Variants in ASXL3 observed in about 807,000 individuals in gnomAD.
ASXL3 encodes putative Polycomb group protein ASXL3.
In ASXL3, 34 loss-of-function variants were observed where a neutral mutation model predicts 170.6. That is an observed-to-expected ratio of 0.20 (90% CI 0.15 to 0.27). The LOEUF (loss-of-function observed/expected upper bound fraction) is 0.27. Among genes scored for constraint, ASXL3 ranks in the 10% least tolerant of loss-of-function variants. The probability of loss-of-function intolerance (pLI) is 1.00; values close to 1 mark genes in which losing one functional copy is unlikely to be tolerated. For synonymous variants in ASXL3, 1,002 were observed against 989.1 expected (o/e 1.01, Z -0.24); for missense variants, 2,592 against 2,695.3 (o/e 0.96, Z 0.85).
intron 2 of ASXL3, among the ~76,000 whole-genome samples, chr18:33,623,336 C>T (rs1483761): frequency 0.087 from 13,159 of 152,094 alleles, 636 homozygotes; most frequent in African/African-American, 0.11. Flanking sequence ...CCCATGGTGT[C>T]CTTGTTAATA....
chr18:33,697,039 A>T (rs989023693), intron 8 of ASXL3, among the ~76,000 whole-genome samples: 2 of 152,116 alleles, frequency 1.3e-5, no homozygotes, highest in African/African-American at 2.4e-5. Context: ...CTCAATATCT[A>T]TGACTGATCT....
chr18:33,590,111 G>GTTTTTTTTTTTGTTTTTTTTTTTTTTTTT (rs2065064686), intron 1 of ASXL3, among the ~76,000 whole-genome samples: 5 of 83,182 alleles, frequency 6.0e-5, no homozygotes, highest in Non-Finnish European at 1.1e-4. Flanking sequence ...TGCTTTCTAT[G>GTTTTTTTTTTTGTTTTTTTTTTTTTTTTT]TTTTTTTTTT....
intron 4 of ASXL3, among the ~76,000 whole-genome samples, chr18:33,660,779 T>C (rs995974039): frequency 6.6e-6 from 1 of 152,092 alleles, no homozygotes; most frequent in African/African-American, 2.4e-5. Context: ...AGTGTTAAAG[T>C]CTCTCAGTTT....
At position 33,745,145 on chromosome 18, in the gene ASXL3, A is replaced by G. The variant is rs757068072; in HGVS notation, c.5297A>G (p.Gln1766Arg). ...GNLPLEKVLPQPRLGAKLEIN... is the reference protein window; with the variant it reads ...GNLPLEKVLPRPRLGAKLEIN... The stretch of plus-strand genomic sequence containing the variant: ...CTGCCTTTGGAAAAAGTGTTGCCAC[A>G]GCCCAGATTGGGAGCCAAGCTTGAA... The change falls in exon 12 of 12, where the codon CAG (glutamine) becomes CGG (arginine). Residue 1766 changes from glutamine (Q) to arginine (R), a missense_variant. This residue lies in a region of ASXL3 where 2,246 missense variants were observed against 2,219.6 expected (regional missense o/e 1.01). Transcript: ENST00000269197. The G allele has an allele frequency of 1.4e-5, 22 of 1,613,938 alleles. No homozygotes were observed. In the East Asian group the frequency reaches 4.7e-4, roughly 34 times the overall value.
chr18:33,661,697 T>C lies in ASXL3; in HGVS notation c.437T>C (p.Val146Ala). The stretch of plus-strand genomic sequence containing the variant: ...AACACAGCAGTGCAAAGCAAGTTAG[T>C]GTCTTCCTTCCAGCAGCACACCAAA... ...LTNTAVQSKL[V>A]SSFQQHTKKA... Residue 146 changes from valine (V) to alanine (A), a missense_variant, in exon 5 of 12, where the codon GTG becomes GCG. By Grantham distance (64) the Val-to-Ala change is moderately conservative (BLOSUM62 0). This residue lies in a region of ASXL3 where 251 missense variants were observed against 281.9 expected (regional missense o/e 0.89). Transcript: ENST00000269197. 6.2e-7 allele frequency: 1 copy of C among 1,612,980 alleles called. No individual in the cohort carries two copies. The highest frequency in any genetic ancestry group is 8.5e-7 in the Non-Finnish European group (1 of 1,179,454).
intron 1 of ASXL3, among the ~76,000 whole-genome samples, chr18:33,592,806 G>GT (rs1456647505): frequency 2.0e-5 from 3 of 151,822 alleles, no homozygotes; most frequent in African/African-American, 2.4e-5. Context: ...GTTCTTTTGT[G>GT]TTTTTTTCCT....
At chr18:33,671,947 AT>A (rs2066350864) in intron 7 of ASXL3, 81 bp downstream of exon 7, 2 of 1,322,564 alleles carry the variant, frequency 1.5e-6, no homozygotes, top group Non-Finnish European at 2.0e-6. Context: ...TTTTCAGAAC[AT>A]TTTTTAATGA....
At chr18:33,695,868 T>C (rs2066766907) in intron 8 of ASXL3, among the ~76,000 whole-genome samples, 1 of 152,190 alleles carries the variant, frequency 6.6e-6, no homozygotes, top group Admixed American at 6.6e-5. Flanking sequence ...TGCCCTCTAA[T>C]ATTTACATAA....
intron 2 of ASXL3, chr18:33,614,679 C>A (rs1247656704): frequency 6.6e-6 from 1 of 152,084 alleles, no homozygotes; most frequent in Non-Finnish European, 1.5e-5. Context: ...ACTTGAAAAT[C>A]AAAATTATTC....
At chr18:33,639,761 A>G (rs1329008793) in intron 2 of ASXL3, among the ~76,000 whole-genome samples, 1 of 152,140 alleles carries the variant, frequency 6.6e-6, no homozygotes. Context: ...TTTTAATAGG[A>G]TAAGAGTTCT....
intron 8 of ASXL3, among the ~76,000 whole-genome samples, chr18:33,706,308 A>G (rs891577637): frequency 6.6e-6 from 1 of 151,828 alleles, no homozygotes; most frequent in Admixed American, 6.6e-5. Flanking sequence ...GCTTCCATGG[A>G]CATTTCAGTA....
chr18:33,735,129 T>C (rs549129693), intron 10 of ASXL3, among the ~76,000 whole-genome samples: 2 of 152,340 alleles, frequency 1.3e-5, no homozygotes, highest in African/African-American at 2.4e-5. Flanking sequence ...GAGGAACTTA[T>C]GCTCCAACTC....
rs1209246884 is a variant in ASXL3 at position 33,578,529 on chromosome 18, AGTGCGG to A, written c.-100_-95del. On this transcript the variant is annotated 5_prime_UTR_variant, in exon 1 of 12. Coordinates refer to ENST00000269197, the MANE Select transcript of ASXL3 (RefSeq NM_030632.3). Reference sequence around the variant, plus strand: ...CCCGCGCGCCTCCCCCCGCGGAGCGAGTGCGGGTCACCGGGTCACTGGGTCATTGTC... The same window carrying A: ...CCCGCGCGCCTCCCCCCGCGGAGCGAGTCACCGGGTCACTGGGTCATTGTC... 2 of 580,222 alleles carry A rather than the reference AGTGCGG, an allele frequency of 3.4e-6. No individual in the cohort carries two copies. Among genetic ancestry groups the A allele is most frequent in the African/African-American group, 4.6e-5 (2 of 43,680 alleles). 35.9% of individuals were successfully genotyped at this position (580,222 alleles called of 1,614,324 possible). A position where few individuals can be genotyped will look rare whatever the true frequency, so the allele number is the denominator to read the frequency against.
chr18:33,635,248 C>T (rs750329882), intron 2 of ASXL3, among the ~76,000 whole-genome samples: 2 of 152,142 alleles, frequency 1.3e-5, no homozygotes, highest in Middle Eastern at 3.2e-3. Context: ...GAAAAATAGT[C>T]AGCTTGTACA....
chr18:33,644,883 T>G lies in ASXL3; in HGVS notation c.138-11T>G. 1 of 1,531,218 alleles carries G rather than the reference T, an allele frequency of 6.5e-7. No individual in the cohort carries two copies. Among genetic ancestry groups the G allele is most frequent in the South Asian group, 1.2e-5 (1 of 82,788 alleles). The allele number at this position is 1,531,218 out of a possible 1,614,324, so 94.9% of individuals were successfully genotyped here. On this transcript the variant is annotated splice_polypyrimidine_tract_variant and intron_variant, in intron 2 of 11. Coordinates refer to ENST00000269197, the MANE Select transcript of ASXL3 (RefSeq NM_030632.3). ...CAGACTGCTTCATTTTTGCACACTT[T>G]TATTTTCTAGTGGAACCTCTCCATT...
chr18:33,702,300 T>A (rs898773855), intron 8 of ASXL3, among the ~76,000 whole-genome samples: 1 of 151,958 alleles, frequency 6.6e-6, no homozygotes, highest in Non-Finnish European at 1.5e-5. Flanking sequence ...CTCTTACTCT[T>A]TTTTTTTGCA....
At chr18:33,714,853 T>G (rs992628179) in intron 8 of ASXL3, among the ~76,000 whole-genome samples, 1 of 152,222 alleles carries the variant, frequency 6.6e-6, no homozygotes, top group Non-Finnish European at 1.5e-5. Context: ...ATTAGTGTTA[T>G]CTTGAATCCA....
chr18:33,719,770 A>G (rs2067228420), intron 8 of ASXL3, among the ~76,000 whole-genome samples: 1 of 152,040 alleles, frequency 6.6e-6, no homozygotes, highest in Admixed American at 6.6e-5. Flanking sequence ...AGGCAACAGC[A>G]AGAAGACATC....
At chr18:33,610,402 G>C (rs1400375994) in intron 2 of ASXL3, among the ~76,000 whole-genome samples, 1 of 151,968 alleles carries the variant, frequency 6.6e-6, no homozygotes, top group African/African-American at 2.4e-5. Context: ...GAAAGGTAAT[G>C]TTTTAATGGT....
Sources: allele counts gnomAD v4.1 joint callset (sites outside exome capture counted in the v4.1 genomes callset), GRCh38; gene constraint gnomAD v4.1.1; regional missense constraint gnomAD v4.1.1; transcripts MANE v1.5; gene names NCBI Gene and HGNC (gene_info 2026-07-23, HGNC 2026-07-21).